DOCK5: variants seen among roughly 807,000 people sequenced by gnomAD.
DOCK5 encodes dedicator of cytokinesis 5.
Under a neutral mutation model 251.8 loss-of-function variants are expected in DOCK5, and 142 were observed. The ratio of observed to expected loss-of-function variants is 0.56; its 90% CI spans 0.49 to 0.65. The LOEUF is 0.65. DOCK5 is among the 30% of genes least tolerant of loss of function. The pLI is 0.00. For synonymous variants in DOCK5, 842 were observed against 835.5 expected, an observed-to-expected ratio of 1.01 and a Z score of -0.13; for missense variants, 2,111 against 2,312.3, an observed-to-expected ratio of 0.91 and a Z score of 1.79.
chr8:25,222,489 G>A (rs1385624281), intron 1 of DOCK5, among the ~76,000 whole-genome samples: 4 of 152,268 alleles, frequency 2.6e-5, no homozygotes, highest in South Asian at 4.1e-4. Context: ...GAGTAAAAGC[G>A]TGTGATATGC....
chr8:25,342,691 GTTTTTTTTTTTTTTT>G (rs1201632677), intron 25 of DOCK5, among the ~76,000 whole-genome samples, 184 bp downstream of exon 25: 5 of 72,068 alleles, frequency 6.9e-5, no homozygotes, highest in African/African-American at 1.1e-4. Context: ...GTTTTTTCTT[GTTTTTTTTTTTTTTT>G]TTTTTTTTTT....
At chr8:25,237,134 A>G (rs1271218286) in intron 1 of DOCK5, among the ~76,000 whole-genome samples, 1 of 152,114 alleles carries the variant, frequency 6.6e-6, no homozygotes, top group Non-Finnish European at 1.5e-5. Flanking sequence ...TGGGAGGCCA[A>G]GGTGGGTGGA....
Position 25,274,121 on chromosome 8 carries a change from A to G in DOCK5, c.169-1265A>G, listed in dbSNP as rs530247225. 1.1e-4 allele frequency among the ~76,000 whole-genome samples: 16 copies of G among 152,348 alleles called. No homozygotes were observed. The South Asian group carries it at 2.1e-3, about 20-fold the overall frequency. Reference sequence around the variant, plus strand: ...GGCAACGGATTAAAAGAGAGAAAGCAGAGTGTTGTACAGACAAATATAGCA... The same window carrying G: ...GGCAACGGATTAAAAGAGAGAAAGCGGAGTGTTGTACAGACAAATATAGCA... On this transcript the variant is annotated intron_variant, in intron 3 of 51. Transcript: ENST00000276440.
chr8:25,365,922 A>G (rs1246146192), intron 30 of DOCK5, among the ~76,000 whole-genome samples: 1 of 152,204 alleles, frequency 6.6e-6, no homozygotes, highest in East Asian at 1.9e-4. Flanking sequence ...ATATAGATGA[A>G]TATATATTGT....
intron 1 of DOCK5, among the ~76,000 whole-genome samples, 154 bp downstream of exon 1, chr8:25,185,105 C>T (rs1801399398): frequency 1.3e-5 from 2 of 152,232 alleles, no homozygotes; most frequent in Non-Finnish European, 1.5e-5. Flanking sequence ...TAGGAGTCCT[C>T]TCCAGGGAGC....
Position 25,389,194 on chromosome 8 carries a change from C to A in DOCK5, c.4235C>A (p.Thr1412Lys), listed in dbSNP as rs530308273. ...FPNAEKMTST[T>K]PPGEDIKSSP... ...AATGCGGAGAAGATGACCAGTACCA[C>A]GCCTCCTGGGGAAGACATCAAGTCG... Residue 1412 changes from threonine to lysine, a missense_variant, in exon 41 of 52, where the codon ACG (threonine) becomes AAG (lysine). This residue lies in a region of DOCK5 where 1,717 missense variants were observed against 1,892.4 expected (regional missense o/e 0.91). Coordinates refer to ENST00000276440, the MANE Select transcript of DOCK5 (RefSeq NM_024940.8). 8 of 1,613,984 alleles carry A rather than the reference C, an allele frequency of 5.0e-6. No individual in the cohort carries two copies. In the South Asian group the frequency reaches 8.8e-5, roughly 18 times the overall value.
At chr8:25,222,540 TAAG>T (rs1802421982) in intron 1 of DOCK5, among the ~76,000 whole-genome samples, 1 of 152,188 alleles carries the variant, frequency 6.6e-6, no homozygotes, top group Admixed American at 6.5e-5. Context: ...TGAGAATAAG[TAAG>T]AAGATCTCTA....
In DOCK5 at chr8:25,377,390, A is replaced by G. The variant is rs1800981598; in HGVS notation, c.3902A>G (p.Tyr1301Cys). 2 of 1,613,788 alleles carry G rather than the reference A, an allele frequency of 1.2e-6. No homozygotes were observed. The highest frequency in any genetic ancestry group is 1.7e-5 in the Admixed American group (1 of 59,992). ...CAGCAAGAGCTTAAAGAGAAGCTGT[A>G]TCAAGAAATCATATCATATTTCGAC... ...YTQQELKEKL[Y>C]QEIISYFDKG... The change falls in exon 38 of 52, where the codon TAT (tyrosine) becomes TGT (cysteine). Residue 1301 changes from tyrosine (Y) to cysteine (C), a missense_variant. Around this residue, in one of 3 missense-constraint regions of DOCK5, gnomAD observed 1,717 missense variants for 1,892.4 expected, o/e 0.91. Transcript: ENST00000276440.
At chr8:25,376,476 T>A in intron 37 of DOCK5, 1 of 632,066 alleles carries the variant, frequency 1.6e-6, no homozygotes, top group Non-Finnish European at 2.0e-6. Flanking sequence ...CATACTGTAT[T>A]AATTATTAAT....
At position 25,308,945 on chromosome 8, in the gene DOCK5, C is replaced by T; in HGVS notation, c.1192+20C>T. 2 of 1,528,518 alleles carry T rather than the reference C, an allele frequency of 1.3e-6. No homozygotes were observed. Among genetic ancestry groups the T allele is most frequent in the Non-Finnish European group, 9.0e-7 (1 of 1,107,162 alleles). The allele number at this position is 1,528,518 out of a possible 1,614,324, so 94.7% of individuals were successfully genotyped here. ...GGCAAGGTACAGTCCAGTGCCAGAG[C>T]TGGGAGGGACTCTGCTGAGGGTGGG... On this transcript the variant is annotated intron_variant, in intron 12 of 51. Coordinates refer to ENST00000276440, the MANE Select transcript of DOCK5 (RefSeq NM_024940.8).
intron 14 of DOCK5, among the ~76,000 whole-genome samples, chr8:25,319,108 C>T (rs1805350880): frequency 6.6e-6 from 1 of 152,150 alleles, no homozygotes; most frequent in South Asian, 2.1e-4. Context: ...TGGTTCATGA[C>T]CAGGAAAAGA....
chr8:25,200,689 C>T (rs748990996), intron 1 of DOCK5, among the ~76,000 whole-genome samples: 1 of 152,184 alleles, frequency 6.6e-6, no homozygotes, highest in Non-Finnish European at 1.5e-5. Context: ...TAATTTAATA[C>T]ATTTTGCTTT....
chr8:25,366,840 C>T lies in DOCK5; in HGVS notation c.3124-30C>T, dbSNP rs370856068. On this transcript the variant is annotated intron_variant, in intron 30 of 51. Coordinates refer to ENST00000276440, the MANE Select transcript of DOCK5 (RefSeq NM_024940.8). ...CCCTTATTAATGTTATTTTTCATTTCCCTTTACCCACACAATTAATTTTGA... is the reference window on the plus strand; with the variant it reads ...CCCTTATTAATGTTATTTTTCATTTTCCTTTACCCACACAATTAATTTTGA... 13 of 1,566,564 alleles carry T rather than the reference C, an allele frequency of 8.3e-6. No homozygotes were observed. The African/African-American group carries it at 1.6e-4, about 20-fold the overall frequency.
In DOCK5 at chr8:25,262,528, G is replaced by A. The variant is rs188094349; in HGVS notation, c.128-6317G>A. 1.4e-3 allele frequency among the ~76,000 whole-genome samples: 207 copies of A among 151,860 alleles called. 2 individuals are homozygous for A. The highest frequency in any genetic ancestry group is 4.3e-4 in the Non-Finnish European group (29 of 67,956). On this transcript the variant is annotated intron_variant, in intron 2 of 51. Transcript: ENST00000276440. Reference sequence around the variant, plus strand: ...TTCTGGCCTACCAGGGTTTATCAGCGGTATATTTTTTAAAATGTTATCAGT... The same window carrying A: ...TTCTGGCCTACCAGGGTTTATCAGCAGTATATTTTTTAAAATGTTATCAGT...
chr8:25,296,046 C>T (rs1312198275), intron 6 of DOCK5, among the ~76,000 whole-genome samples: 1 of 152,106 alleles, frequency 6.6e-6, no homozygotes, highest in African/African-American at 2.4e-5. Context: ...TCTTGACCTC[C>T]TGGTCTCAAG....
At chr8:25,227,703 A>T (rs1056015226) in intron 1 of DOCK5, among the ~76,000 whole-genome samples, 1 of 152,180 alleles carries the variant, frequency 6.6e-6, no homozygotes, top group Non-Finnish European at 1.5e-5. Flanking sequence ...TAAATCTACC[A>T]CATATAATCT....
In DOCK5 at chr8:25,191,090, T is replaced by C. The variant is rs376449751; in HGVS notation, c.43+6139T>C. Among the ~76,000 whole-genome samples the C allele has an allele frequency of 4.6e-5, 7 of 152,320 alleles. No homozygotes were observed. The South Asian group carries it at 6.2e-4, about 14-fold the overall frequency. On this transcript the variant is annotated intron_variant, in intron 1 of 51. Coordinates refer to ENST00000276440, the MANE Select transcript of DOCK5 (RefSeq NM_024940.8). ...AATTAGTATTCATTGAGAACTTCTCTTGTGAGGTACCATTCTGAACCCTTT... is the reference window on the plus strand; with the variant it reads ...AATTAGTATTCATTGAGAACTTCTCCTGTGAGGTACCATTCTGAACCCTTT...
chr8:25,375,709 G>A (rs1800951711), intron 37 of DOCK5: 1 of 984,402 alleles, frequency 1.0e-6, no homozygotes, highest in Non-Finnish European at 1.2e-6. Flanking sequence ...TATGGGCATT[G>A]TCCGAACATA....
At chr8:25,323,044 C>T (rs1805467629) in intron 16 of DOCK5, among the ~76,000 whole-genome samples, 1 of 152,200 alleles carries the variant, frequency 6.6e-6, no homozygotes, top group Admixed American at 6.5e-5. Context: ...AGGGGCACAG[C>T]AGACCACAGA....
Sources: allele counts gnomAD v4.1 joint callset (sites outside exome capture counted in the v4.1 genomes callset), GRCh38; gene constraint gnomAD v4.1.1; regional missense constraint gnomAD v4.1.1; transcripts MANE v1.5; gene names NCBI Gene and HGNC (gene_info 2026-07-23, HGNC 2026-07-21).